Variants in SLC2A5 observed in about 807,000 individuals in gnomAD.
SLC2A5 encodes solute carrier family 2, facilitated glucose transporter member 5.
In SLC2A5, 56 loss-of-function variants were observed where a neutral mutation model predicts 50.3. The observed-to-expected ratio is 1.11, with a 90% CI of 0.90 to 1.39. The LOEUF (loss-of-function observed/expected upper bound fraction) is 1.39, where lower values mean the gene tolerates loss of function less well. Among genes scored for constraint, SLC2A5 ranks in the 40% most tolerant of loss-of-function variants. SLC2A5 has a pLI of 0.00. For synonymous variants in SLC2A5, 269 were observed against 281.9 expected (o/e 0.95, Z 0.46); for missense variants, 566 against 650.1 (o/e 0.87, Z 1.41).
intron 2 of SLC2A5, among the ~76,000 whole-genome samples, chr1:9,077,764 G>GGAGGGAGGGAGAGAGGGAGGGAGGGAGA (rs1287756896): frequency 7.0e-6 from 1 of 142,046 alleles, no homozygotes; most frequent in African/African-American, 2.6e-5. Flanking sequence ...AGGGAGAGAG[G>GGAGGGAGGGAGAGAGGGAGGGAGGGAGA]GAGGGAGGGA....
intron 3 of SLC2A5, among the ~76,000 whole-genome samples, chr1:9,050,941 C>T (rs1025975868): frequency 6.6e-6 from 1 of 152,068 alleles, no homozygotes; most frequent in African/African-American, 2.4e-5. Flanking sequence ...AAAATACATA[C>T]AGCGTCAACT....
Position 9,040,526 on chromosome 1 carries a change from C to T in SLC2A5, c.572-337G>A, listed in dbSNP as rs1348800251. ...CCCGGCCTGACCCAACTGCCCACTC[C>T]CAGCTCTATGCCCAGAGAAGCCAGG... On this transcript the variant is annotated intron_variant, in intron 5 of 11. Transcript: ENST00000377424. The surrounding 1 kb of genome is among the most constrained non-coding windows in gnomAD (Gnocchi z 4.3). 7.5e-6 allele frequency: 2 copies of T among 268,318 alleles called. No homozygotes were observed. Among genetic ancestry groups the T allele is most frequent in the Non-Finnish European group, 1.4e-5 (2 of 139,616 alleles). 16.6% of individuals were successfully genotyped at this position (268,318 alleles called of 1,614,324 possible). A position where few individuals can be genotyped will look rare whatever the true frequency, so the allele number is the denominator to read the frequency against.
chr1:9,061,977 C>G (rs1044002149), intron 1 of SLC2A5, among the ~76,000 whole-genome samples: 5 of 152,208 alleles, frequency 3.3e-5, no homozygotes, highest in African/African-American at 1.2e-4. Flanking sequence ...GCATTCAATT[C>G]ACCCTCCATT....
chr1:9,038,735 CT>C, intron 9 of SLC2A5, 92 bp downstream of exon 9: 1 of 1,477,016 alleles, frequency 6.8e-7, no homozygotes. Flanking sequence ...ATTGTGACCC[CT>C]TTTATTTTAA....
chr1:9,068,145 G>A (rs533028482), intron 1 of SLC2A5, among the ~76,000 whole-genome samples: 22 of 130,006 alleles, frequency 1.7e-4, no homozygotes, highest in East Asian at 1.3e-3. Context: ...AACCTTGATC[G>A]CACCACTGTA....
At chr1:9,066,324 C>T (rs1392208811) in intron 1 of SLC2A5, among the ~76,000 whole-genome samples, 42 of 152,112 alleles carry the variant, frequency 2.8e-4, no homozygotes, top group Admixed American at 2.7e-3. Flanking sequence ...CAAACTCTAC[C>T]TCCCAGGCTC....
At chr1:9,057,646 G>A in intron 2 of SLC2A5, 38 bp from the exon 3 acceptor site, 1 of 1,593,022 alleles carries the variant, frequency 6.3e-7, no homozygotes, top group Admixed American at 1.7e-5. Flanking sequence ...AAAATAATTT[G>A]ATCCGGTTTT....
rs1316308174 is a variant in SLC2A5, at chr1:9,053,082, A to ATATATAATATATATTT, written c.293+4365_293+4366insAAATATATATTATATA. Among the ~76,000 whole-genome samples the ATATATAATATATATTT allele has an allele frequency of 1.4e-3, 159 of 115,672 alleles. 4 individuals carry two copies. In the East Asian group the frequency reaches 0.032, roughly 23 times the overall value. The allele number at this position is 115,672 out of a possible 152,430, so 75.9% of individuals were successfully genotyped here. On this transcript the variant is annotated intron_variant, in intron 3 of 11. Coordinates refer to ENST00000377424, the MANE Select transcript of SLC2A5 (RefSeq NM_003039.3). ...AATATATATTATATATTTATATATT[A>ATATATAATATATATTT]ATATATAATATATATTTATATATAA... is the stretch of plus-strand genomic sequence containing the variant.
intron 4 of SLC2A5, among the ~76,000 whole-genome samples, chr1:9,044,307 G>C (rs1317501014): frequency 2.0e-5 from 3 of 151,732 alleles, no homozygotes; most frequent in Non-Finnish European, 4.4e-5. Context: ...CTCCAGCCTG[G>C]GCAACTAAGC....
At position 9,053,469 on chromosome 1, in the gene SLC2A5, TATTTATATATA is replaced by T. The variant is rs1557670743; in HGVS notation, c.293+3968_293+3978del. Among the ~76,000 whole-genome samples the T allele has an allele frequency of 5.3e-3, 225 of 42,068 alleles. 41 individuals carry two copies. The highest frequency in any genetic ancestry group is 0.025 in the East Asian group (38 of 1,528). The allele number at this position is 42,068 out of a possible 152,430, so 27.6% of individuals were successfully genotyped here. A position where few individuals can be genotyped will look rare whatever the true frequency, so the allele number is the denominator to read the frequency against. On this transcript the variant is annotated intron_variant, in intron 3 of 11. Coordinates refer to ENST00000377424, the MANE Select transcript of SLC2A5 (RefSeq NM_003039.3). The stretch of plus-strand genomic sequence containing the variant: ...TATATATATTTATATATATTATATA[TATTTATATATA>T]TTATATATTTATATATAATATATAT...
chr1:9,065,034 C>T (rs930782981), intron 1 of SLC2A5, among the ~76,000 whole-genome samples: 2 of 130,180 alleles, frequency 1.5e-5, no homozygotes, highest in Non-Finnish European at 3.2e-5. Context: ...GGATGGGCAA[C>T]AAGAGCAAGA....
In SLC2A5 at chr1:9,040,393, G is replaced by A. The variant is rs1419894996; in HGVS notation, c.572-204C>T. On this transcript the variant is annotated intron_variant, in intron 5 of 11. Transcript: ENST00000377424. This position sits in a 1 kb window ranked among gnomAD's most constrained non-coding sequence, Gnocchi z 4.3. Reference sequence around the variant, plus strand: ...GGGATCAGCAGCGACGCACCCCTGCGCCCATCAGACAGACCACACCGACGA... The same window carrying A: ...GGGATCAGCAGCGACGCACCCCTGCACCCATCAGACAGACCACACCGACGA... The A allele has an allele frequency of 4.8e-6, 3 of 621,390 alleles. No individual in the cohort carries two copies. The highest frequency in any genetic ancestry group is 5.5e-6 in the Non-Finnish European group (2 of 361,764). The allele number at this position is 621,390 out of a possible 1,614,324, so 38.5% of individuals were successfully genotyped here.
At chr1:9,039,687 C>A in intron 7 of SLC2A5, 25 bp from the exon 8 acceptor site, 1 of 1,495,072 alleles carries the variant, frequency 6.7e-7, no homozygotes, top group Non-Finnish European at 8.9e-7. Context: ...CGGGGCTGGG[C>A]GGCTGCCCGG....
At chr1:9,042,073 A>C (rs1200850502) in intron 4 of SLC2A5, 136 bp from the exon 5 acceptor site, 2 of 1,230,834 alleles carry the variant, frequency 1.6e-6, no homozygotes, top group Non-Finnish European at 2.2e-6. Flanking sequence ...GAAAGCAAAC[A>C]CCTCTTTTAA....
chr1:9,048,476 C>T (rs1641490487), intron 3 of SLC2A5, among the ~76,000 whole-genome samples: 1 of 152,084 alleles, frequency 6.6e-6, no homozygotes, highest in Non-Finnish European at 1.5e-5. Context: ...CGTGCCACTG[C>T]ACTCCAGCCT....
chr1:9,084,060 C>T (rs1390558372), intron 2 of SLC2A5, among the ~76,000 whole-genome samples: 4 of 151,944 alleles, frequency 2.6e-5, no homozygotes, highest in Admixed American at 1.3e-4. Context: ...AGGAGCATGG[C>T]GTGAACCTGG....
intron 4 of SLC2A5, 53 bp from the exon 5 acceptor site, chr1:9,041,990 C>G: frequency 1.3e-6 from 2 of 1,504,934 alleles, no homozygotes; most frequent in East Asian, 4.7e-5. Flanking sequence ...CTGGCAGGGA[C>G]AAGCTGTCTT....
chr1:9,063,320 G>C (rs1641992237), intron 1 of SLC2A5, among the ~76,000 whole-genome samples: 2 of 151,688 alleles, frequency 1.3e-5, no homozygotes, highest in Admixed American at 6.6e-5. Flanking sequence ...CAAAGTGCTG[G>C]TATTACAGGT....
chr1:9,086,750 G>T (rs1220535229), intron 1 of SLC2A5, among the ~76,000 whole-genome samples: 1 of 152,076 alleles, frequency 6.6e-6, no homozygotes, highest in Non-Finnish European at 1.5e-5. Flanking sequence ...GGGTGCTATT[G>T]ATTGGTTCTG....
Sources: allele counts gnomAD v4.1 joint callset (sites outside exome capture counted in the v4.1 genomes callset), GRCh38; gene constraint gnomAD v4.1.1; non-coding constraint Gnocchi (gnomAD v3.1); transcripts MANE v1.5; gene names NCBI Gene and HGNC (gene_info 2026-07-23, HGNC 2026-07-21).